ARSF: variants seen among roughly 807,000 people sequenced by gnomAD.
ARSF encodes arylsulfatase F.
A neutral mutation model predicts 35.4 loss-of-function variants in ARSF; 33 were observed. That is an observed-to-expected ratio of 0.93 (90% confidence interval 0.71 to 1.25). The LOEUF is 1.25. Among genes scored for constraint, ARSF ranks in the 50% most tolerant of loss-of-function variants. The probability of loss-of-function intolerance (pLI) is 0.00; values close to 1 mark genes in which losing one functional copy is unlikely to be tolerated. For missense variants in ARSF, 501 were observed against 480.2 expected (o/e 1.04, Z -0.40); for synonymous variants, 222 against 193.1 (o/e 1.15, Z -1.24).
intron 1 of ARSF, among the ~76,000 whole-genome samples, chrX:3,048,761 TG>T (rs1198012822): frequency 2.7e-5 from 3 of 112,435 alleles, no homozygotes; most frequent in Non-Finnish European, 5.6e-5. Flanking sequence ...CTAAATTGAC[TG>T]AGACCTGTCT....
At chrX:3,072,423 G>C (rs1176887699) in intron 3 of ARSF, among the ~76,000 whole-genome samples, 2 of 111,020 alleles carry the variant, frequency 1.8e-5, no homozygotes, top group East Asian at 2.8e-4. Context: ...ATCTTCACAG[G>C]GTACACAGTG....
At position 3,089,721 on chromosome X, in the gene ARSF, A is replaced by G. The variant is rs1343470567; in HGVS notation, c.967+89A>G. On this transcript the variant is annotated intron_variant, in intron 7 of 10. Transcript: ENST00000381127. ...CTGCTCTTGGTCAACCTGTAGAGTG[A>G]AGAGAATTATGCCTATGGGACAGAG... 10 of 1,036,617 alleles carry G rather than the reference A, an allele frequency of 9.6e-6. No individual in the cohort carries two copies. The Admixed American group carries it at 2.3e-4, about 24-fold the overall frequency. The allele number at this position is 1,036,617 out of a possible 1,213,427, so 85.4% of individuals were successfully genotyped here. A position where few individuals can be genotyped will look rare whatever the true frequency, so the allele number is the denominator to read the frequency against.
intron 1 of ARSF, among the ~76,000 whole-genome samples, chrX:3,053,061 G>A (rs191045324): frequency 8.0e-4 from 89 of 111,289 alleles, no homozygotes; most frequent in Non-Finnish European, 1.4e-3. Context: ...GCAGAAAATC[G>A]GTTTCCTGGG....
At chrX:3,099,677 T>G (rs764272842) in intron 7 of ARSF, among the ~76,000 whole-genome samples, 7 of 111,808 alleles carry the variant, frequency 6.3e-5, no homozygotes, top group African/African-American at 2.3e-4. Flanking sequence ...ATTTTGTCAT[T>G]ACTTAATAAT....
chrX:3,103,610 G>C, intron 8 of ARSF, 152 bp from the exon 9 acceptor site: 1 of 548,608 alleles, frequency 1.8e-6, no homozygotes, highest in Non-Finnish European at 2.8e-6. Context: ...TAATTCTGTA[G>C]ACGTGCACTA....
intron 10 of ARSF, among the ~76,000 whole-genome samples, chrX:3,110,985 A>T (rs756532097): frequency 8.9e-6 from 1 of 112,106 alleles, no homozygotes; most frequent in African/African-American, 3.2e-5. Context: ...TTCACCAGGG[A>T]ACTCTAATGT....
intron 10 of ARSF, 39 bp downstream of exon 10, chrX:3,110,291 A>G (rs770126151): frequency 8.5e-5 from 95 of 1,112,500 alleles, no homozygotes; most frequent in Non-Finnish European, 5.1e-5. Flanking sequence ...CCCTGCCAGG[A>G]GCAGGGTCAC....
intron 1 of ARSF, among the ~76,000 whole-genome samples, chrX:3,060,409 C>T (rs1245132772): frequency 1.8e-5 from 2 of 111,984 alleles, no homozygotes; most frequent in African/African-American, 6.5e-5. Flanking sequence ...CTCTTCTCCT[C>T]CAAAGGGTTG....
chrX:3,047,376 C>T (rs1336402659), intron 1 of ARSF, among the ~76,000 whole-genome samples: 1 of 110,592 alleles, frequency 9.0e-6, no homozygotes, highest in Non-Finnish European at 1.9e-5. Context: ...GATGGAATTT[C>T]ACCATGTTGG....
chrX:3,057,021 A>T (rs921765332), intron 1 of ARSF, among the ~76,000 whole-genome samples: 2 of 111,574 alleles, frequency 1.8e-5, no homozygotes, highest in African/African-American at 6.5e-5. Context: ...CTCAGGTGGG[A>T]TTTTATAAAT....
intron 1 of ARSF, among the ~76,000 whole-genome samples, chrX:3,063,482 G>C (rs775127064): frequency 3.9e-4 from 43 of 111,509 alleles, no homozygotes; most frequent in African/African-American, 1.4e-3. Flanking sequence ...AAGAAAGAAA[G>C]GGTTTTCAAT....
chrX:3,079,524 A>T (rs2090181065), intron 4 of ARSF, among the ~76,000 whole-genome samples: 1 of 108,250 alleles, frequency 9.2e-6, no homozygotes, highest in South Asian at 4.2e-4. Flanking sequence ...TTGTATTTTT[A>T]GTAGAGACGG....
At chrX:3,086,244 T>TCTTCAAACATTCCCACACAGTTCTC (rs1354915282) in intron 6 of ARSF, among the ~76,000 whole-genome samples, 4 of 112,056 alleles carry the variant, frequency 3.6e-5, no homozygotes, top group African/African-American at 1.3e-4. Flanking sequence ...TGCCAGTTCG[T>TCTTCAAACATTCCCACACAGTTCTC]CTTCAAACAT....
At chrX:3,097,887 G>A (rs2090347234) in intron 7 of ARSF, among the ~76,000 whole-genome samples, 1 of 110,566 alleles carries the variant, frequency 9.0e-6, no homozygotes, top group South Asian at 3.9e-4. Context: ...AAAATTAGCT[G>A]GGTGTGGTGG....
intron 4 of ARSF, among the ~76,000 whole-genome samples, chrX:3,080,196 C>T (rs2090189089): frequency 1.1e-5 from 1 of 88,416 alleles, no homozygotes; most frequent in South Asian, 5.7e-4. Flanking sequence ...TCTTTTTTGG[C>T]TGAGTGCAGT....
intron 4 of ARSF, 61 bp downstream of exon 4, chrX:3,076,730 A>T: frequency 2.6e-6 from 3 of 1,176,312 alleles, no homozygotes. Flanking sequence ...AGGAAACAAA[A>T]ATGTGGCTTG....
rs748959374 is a variant in ARSF, at chrX:3,084,355, C to T, written c.519C>T (p.Cys173=). ...YGMPFTLVDS[C]WPDPSRNTEL... ...TGCCGTTCACTCTCGTTGACAGCTG[C>T]TGGCCGGACCCCTCTCGTAACACGG... Residue 173 remains cysteine, a synonymous_variant, in exon 6 of 11, where the codon TGC becomes TGT. Transcript: ENST00000381127. 1 of 1,211,792 alleles carries T rather than the reference C, an allele frequency of 8.3e-7. No homozygotes were observed. The highest frequency in any genetic ancestry group is 3.0e-5 in the East Asian group (1 of 33,847).
intron 9 of ARSF, among the ~76,000 whole-genome samples, chrX:3,109,229 G>A (rs2090428700): frequency 9.1e-6 from 1 of 110,492 alleles, no homozygotes; most frequent in South Asian, 3.9e-4. Flanking sequence ...TGAGACAGGA[G>A]AATCCCTTGA....
At chrX:3,068,963 G>A (rs1364589919) in intron 2 of ARSF, among the ~76,000 whole-genome samples, 2 of 112,210 alleles carry the variant, frequency 1.8e-5, no homozygotes, top group African/African-American at 3.2e-5. Flanking sequence ...AGAGCCAATA[G>A]GGATGAACTC....
Sources: gnomAD v4.1 joint callset for allele counts (sites outside exome capture counted in the v4.1 genomes callset) on GRCh38, gnomAD v4.1.1 for gene constraint, MANE v1.5 for transcripts, NCBI Gene and HGNC (gene_info 2026-07-23, HGNC 2026-07-21) for gene names.